HDAC8: variants seen among roughly 807,000 people sequenced by gnomAD.
HDAC8 encodes the protein histone deacetylase 8.
Under a neutral mutation model 32.2 loss-of-function variants are expected in HDAC8, and 1 was observed. The ratio of observed to expected loss-of-function variants is 0.03; its 90% CI spans 0.01 to 0.15. The LOEUF is 0.15. Among genes scored for constraint, HDAC8 ranks in the 10% least tolerant of loss-of-function variants. HDAC8 has a pLI of 1.00. For synonymous variants in HDAC8, 108 were observed against 113.9 expected (o/e 0.95, Z 0.33); for missense variants, 117 against 300.0 (o/e 0.39, Z 4.51).
At chrX:72,509,249 T>C (rs1427724195) in intron 4 of HDAC8, among the ~76,000 whole-genome samples, 1 of 110,144 alleles carries the variant, frequency 9.1e-6, no homozygotes, top group East Asian at 2.8e-4. Flanking sequence ...GCTGGGGTTA[T>C]AGGTGAGCAC....
intron 7 of HDAC8, among the ~76,000 whole-genome samples, chrX:72,485,458 G>A (rs1369419555): frequency 9.0e-6 from 1 of 111,557 alleles, no homozygotes; most frequent in Non-Finnish European, 1.9e-5. Context: ...AAGGGGGTAT[G>A]TTCAAGCTTA....
At chrX:72,415,341 C>T (rs1468247652) in intron 9 of HDAC8, among the ~76,000 whole-genome samples, 2 of 112,128 alleles carry the variant, frequency 1.8e-5, no homozygotes, top group Non-Finnish European at 3.8e-5. Flanking sequence ...ACTGTAGCTA[C>T]ATAGTCTTAA....
At chrX:72,462,184 T>C (rs1182887147) in intron 8 of HDAC8, 86 bp from the exon 9 acceptor site, 1 of 741,144 alleles carries the variant, frequency 1.3e-6, no homozygotes, top group African/African-American at 2.1e-5. Flanking sequence ...GAGAGAAAAA[T>C]GTTTTAAGAA....
intron 4 of HDAC8, among the ~76,000 whole-genome samples, chrX:72,501,696 T>C (rs1469695834): frequency 2.7e-5 from 3 of 112,196 alleles, no homozygotes; most frequent in Non-Finnish European, 3.8e-5. Context: ...AATACCATTC[T>C]GAACATAGGA....
chrX:72,490,948 G>A lies in HDAC8; in HGVS notation c.609C>T (p.Phe203=), dbSNP rs189928517. 2.5e-6 allele frequency: 3 copies of A among 1,204,126 alleles called. No homozygotes were observed. Among genetic ancestry groups the A allele is most frequent in the Non-Finnish European group, 3.4e-6 (3 of 890,384 alleles). ...SKVMTVSLHK[F]SPGFFPGTGD... ...ACTTGCCTGGGAAAAATCCTGGGGAGAATTTGTGCAGGGACACGGTCATGA... is the reference window on the plus strand; with the variant it reads ...ACTTGCCTGGGAAAAATCCTGGGGAAAATTTGTGCAGGGACACGGTCATGA... The change falls in exon 6 of 11, where the codon TTC becomes TTT. Residue 203 remains phenylalanine, a synonymous_variant. Coordinates refer to ENST00000373573, the MANE Select transcript of HDAC8 (RefSeq NM_018486.3).
chrX:72,460,182 G>C (rs978777940), intron 9 of HDAC8, among the ~76,000 whole-genome samples: 2 of 110,885 alleles, frequency 1.8e-5, no homozygotes, highest in African/African-American at 6.6e-5. Flanking sequence ...TGTCACCTAG[G>C]CTGGAGTGCA....
intron 4 of HDAC8, among the ~76,000 whole-genome samples, chrX:72,503,780 AGATAT>A (rs1430457907): frequency 8.9e-6 from 1 of 112,133 alleles, no homozygotes; most frequent in African/African-American, 3.2e-5. Flanking sequence ...TCACTGAATC[AGATAT>A]GATCAGACAC....
At chrX:72,413,881 C>A (rs1302016183) in intron 9 of HDAC8, among the ~76,000 whole-genome samples, 1 of 112,011 alleles carries the variant, frequency 8.9e-6, no homozygotes, top group Non-Finnish European at 1.9e-5. Flanking sequence ...GTCCTTATAG[C>A]AGTGGGAGAA....
intron 7 of HDAC8, among the ~76,000 whole-genome samples, chrX:72,482,399 A>C (rs1179884785): frequency 8.9e-6 from 1 of 112,283 alleles, no homozygotes; most frequent in Non-Finnish European, 1.9e-5. Flanking sequence ...CATGTTTACA[A>C]ACTTTAGGAA....
intron 4 of HDAC8, among the ~76,000 whole-genome samples, chrX:72,559,331 C>A (rs1394344168): frequency 9.1e-6 from 1 of 109,580 alleles, no homozygotes; most frequent in Non-Finnish European, 1.9e-5. Context: ...CTCGGCCTCC[C>A]GAGGTGCCGG....
chrX:72,349,625 A>T (rs2044120541), intron 10 of HDAC8, among the ~76,000 whole-genome samples: 1 of 111,364 alleles, frequency 9.0e-6, no homozygotes, highest in East Asian at 2.8e-4. Flanking sequence ...TATTTTTTTC[A>T]CCAACCCTCG....
At chrX:72,556,954 C>T (rs1324893204) in intron 4 of HDAC8, among the ~76,000 whole-genome samples, 3 of 112,143 alleles carry the variant, frequency 2.7e-5, no homozygotes, top group African/African-American at 6.5e-5. Flanking sequence ...CGGTGGCTCA[C>T]GCCTGTAATC....
chrX:72,359,355 A>G (rs2044470809), intron 9 of HDAC8, among the ~76,000 whole-genome samples: 1 of 111,111 alleles, frequency 9.0e-6, no homozygotes, highest in Non-Finnish European at 1.9e-5. Flanking sequence ...TGCTGAATGA[A>G]TGAAATAAAA....
intron 9 of HDAC8, among the ~76,000 whole-genome samples, chrX:72,376,195 C>T (rs782141869): frequency 6.3e-5 from 7 of 110,799 alleles, no homozygotes; most frequent in Admixed American, 9.6e-5. Flanking sequence ...AGGCGTGAGA[C>T]GCTGTGCCTG....
chrX:72,486,410 A>C (rs918416171), intron 7 of HDAC8, among the ~76,000 whole-genome samples: 23 of 112,285 alleles, frequency 2.0e-4, no homozygotes, highest in Admixed American at 1.7e-3. Context: ...TCCACTAGGC[A>C]ATTCCTGCTC....
intron 7 of HDAC8, among the ~76,000 whole-genome samples, chrX:72,472,769 C>T (rs1796382005): frequency 9.0e-6 from 1 of 111,571 alleles, no homozygotes; most frequent in Non-Finnish European, 1.9e-5. Context: ...CTCTTCTATT[C>T]CCTGACTCTG....
chrX:72,337,757 C>G (rs1373944236), intron 10 of HDAC8, among the ~76,000 whole-genome samples: 1 of 111,764 alleles, frequency 8.9e-6, no homozygotes, highest in Non-Finnish European at 1.9e-5. Context: ...CTAACAGCCT[C>G]CAATCACAAT....
chrX:72,565,836 G>A (rs2051761650), intron 4 of HDAC8, among the ~76,000 whole-genome samples: 1 of 110,587 alleles, frequency 9.0e-6, no homozygotes, highest in Non-Finnish European at 1.9e-5. Context: ...AGCAGTCATT[G>A]TCTTTATTTT....
At chrX:72,557,498 C>T (rs782674296) in intron 4 of HDAC8, among the ~76,000 whole-genome samples, 1 of 111,628 alleles carries the variant, frequency 9.0e-6, no homozygotes, top group East Asian at 2.8e-4. Context: ...GAAATCAAGA[C>T]AAAAGTTAAA....
Sources: gnomAD v4.1 joint callset for allele counts (sites outside exome capture counted in the v4.1 genomes callset) on GRCh38, gnomAD v4.1.1 for gene constraint, MANE v1.5 for transcripts, NCBI Gene and HGNC (gene_info 2026-07-23, HGNC 2026-07-21) for gene names.